The following RHOT1 variants were observed in gnomAD, a reference collection of about 807,000 sequenced individuals.
RHOT1 encodes the protein mitochondrial Rho GTPase 1.
A neutral mutation model predicts 95.3 loss-of-function variants in RHOT1; 27 were observed. The ratio of observed to expected loss-of-function variants is 0.28; its 90% confidence interval spans 0.21 to 0.39. The LOEUF is 0.39. Ranked by LOEUF, RHOT1 falls within the 10% of genes least tolerant of loss-of-function variation. RHOT1 has a pLI of 1.00. For synonymous variants in RHOT1, 227 were observed against 263.5 expected (o/e 0.86, Z 1.34); for missense variants, 578 against 786.7 (o/e 0.73, Z 3.17).
At chr17:32,163,591 G>C (rs1357140064) in intron 1 of RHOT1, among the ~76,000 whole-genome samples, 1 of 151,854 alleles carries the variant, frequency 6.6e-6, no homozygotes, top group Non-Finnish European at 1.5e-5. Flanking sequence ...ATTAGCCAGC[G>C]TGATGGTGCG....
chr17:32,153,026 TC>T (rs1332942131), intron 1 of RHOT1, among the ~76,000 whole-genome samples: 1 of 152,202 alleles, frequency 6.6e-6, no homozygotes, highest in Non-Finnish European at 1.5e-5. Context: ...GGTCTAGAAC[TC>T]CTGGGCTCAA....
chr17:32,178,245 G>A (rs896827090), intron 6 of RHOT1, among the ~76,000 whole-genome samples: 31 of 145,050 alleles, frequency 2.1e-4, no homozygotes, highest in African/African-American at 7.6e-4. Flanking sequence ...AGTCTGGACT[G>A]TACTGCCGTG....
At chr17:32,194,373 G>A (rs1394353781) in intron 11 of RHOT1, among the ~76,000 whole-genome samples, 3 of 152,208 alleles carry the variant, frequency 2.0e-5, no homozygotes, top group South Asian at 4.1e-4. Context: ...TAGAATTATA[G>A]CAGAGCTTTA....
At chr17:32,183,005 T>C in intron 7 of RHOT1, 140 bp downstream of exon 7, 1 of 745,464 alleles carries the variant, frequency 1.3e-6, no homozygotes, top group East Asian at 2.7e-5. Flanking sequence ...AACAGAGAAG[T>C]TGGAGTTGGC....
At chr17:32,144,765 T>C (rs2031042085) in intron 1 of RHOT1, among the ~76,000 whole-genome samples, 1 of 150,614 alleles carries the variant, frequency 6.6e-6, no homozygotes. Flanking sequence ...GGCAGGAGGA[T>C]TGCTTGAACG....
At chr17:32,154,039 A>G (rs915168788) in intron 1 of RHOT1, among the ~76,000 whole-genome samples, 2 of 151,976 alleles carry the variant, frequency 1.3e-5, no homozygotes, top group African/African-American at 4.8e-5. Flanking sequence ...GTGGTGGCTC[A>G]TACCTTTAGT....
intron 4 of RHOT1, among the ~76,000 whole-genome samples, 155 bp downstream of exon 4, chr17:32,175,517 C>T (rs570099310): frequency 4.6e-5 from 7 of 152,198 alleles, no homozygotes; most frequent in South Asian, 2.1e-4. Flanking sequence ...AGTGCAGTGG[C>T]GCAATTTTGC....
At chr17:32,187,514 A>G (rs537287632) in intron 8 of RHOT1, among the ~76,000 whole-genome samples, 1 of 152,290 alleles carries the variant, frequency 6.6e-6, no homozygotes, top group East Asian at 1.9e-4. Flanking sequence ...AGTATAAGTG[A>G]GTGGTTAGCA....
chr17:32,157,467 G>T (rs765816536), intron 1 of RHOT1, among the ~76,000 whole-genome samples: 1 of 152,174 alleles, frequency 6.6e-6, no homozygotes, highest in South Asian at 2.1e-4. Flanking sequence ...GAGATCACTG[G>T]TGATATGTTG....
intron 13 of RHOT1, among the ~76,000 whole-genome samples, chr17:32,200,714 C>CTAG (rs534650224): frequency 1.9e-3 from 282 of 151,088 alleles, no homozygotes; most frequent in Non-Finnish European, 3.5e-3. Flanking sequence ...TTCAAGGCTA[C>CTAG]AGTGAGCCAT....
At position 32,149,635 on chromosome 17, in the gene RHOT1, ATG is replaced by A. The variant is rs1300585666; in HGVS notation, c.37+6932_37+6933del. Among the ~76,000 whole-genome samples, 434 of 59,028 alleles carry A rather than the reference ATG, an allele frequency of 7.4e-3. 5 individuals carry two copies. The highest frequency in any genetic ancestry group is 0.02 in the Admixed American group (92 of 4,528). 38.7% of individuals were successfully genotyped at this position (59,028 alleles called of 152,430 possible). Reference sequence around the variant, plus strand: ...TATATATATATATATATATATATATATGTGTGTGTGTGTGTGTGTGTGTGTGT... The same window carrying A: ...TATATATATATATATATATATATATATGTGTGTGTGTGTGTGTGTGTGTGT... On this transcript the variant is annotated intron_variant, in intron 1 of 19. Coordinates refer to ENST00000545287, the MANE Select transcript of RHOT1 (RefSeq NM_001033566.3).
intron 1 of RHOT1, among the ~76,000 whole-genome samples, chr17:32,170,141 G>A (rs771069821): frequency 3.9e-5 from 6 of 152,142 alleles, no homozygotes; most frequent in African/African-American, 1.4e-4. Context: ...ATGGCTGGGC[G>A]CGGTAGCTCA....
intron 6 of RHOT1, among the ~76,000 whole-genome samples, chr17:32,176,913 T>G (rs1016370486): frequency 1.5e-4 from 23 of 152,214 alleles, no homozygotes; most frequent in Admixed American, 1.2e-3. Context: ...ATCTATATAT[T>G]GTACACATTT....
At chr17:32,199,347 T>G (rs1314028365) in intron 12 of RHOT1, 58 bp from the exon 13 acceptor site, 3 of 1,511,540 alleles carry the variant, frequency 2.0e-6, no homozygotes, top group Non-Finnish European at 2.7e-6. Context: ...GGGGGGCTTT[T>G]GAGTTGGGAA....
intron 1 of RHOT1, among the ~76,000 whole-genome samples, chr17:32,146,197 A>T (rs2031301751): frequency 6.6e-6 from 1 of 152,104 alleles, no homozygotes; most frequent in East Asian, 1.9e-4. Flanking sequence ...ATAACCATGT[A>T]TATTTGTACA....
chr17:32,211,309 A>C (rs1007150034), intron 19 of RHOT1, 71 bp downstream of exon 19: 1 of 1,406,790 alleles, frequency 7.1e-7, no homozygotes, highest in African/African-American at 1.4e-5. Context: ...ATAACTATTT[A>C]TTATACAGAT....
Position 32,151,056 on chromosome 17 carries a change from A to G in RHOT1, c.37+8327A>G. 3.0e-6 allele frequency: 4 copies of G among 1,351,216 alleles called. No individual in the cohort carries two copies. The South Asian group carries it at 3.8e-5, about 13-fold the overall frequency. The allele number at this position is 1,351,216 out of a possible 1,614,324, so 83.7% of individuals were successfully genotyped here. On this transcript the variant is annotated intron_variant, in intron 1 of 19. Transcript: ENST00000545287. Reference sequence around the variant, plus strand: ...AGGGGAGATTGTGGTCTGTTCTTGGAGAAGGCATTCCAGGCTTCTCCTGAG... The same window carrying G: ...AGGGGAGATTGTGGTCTGTTCTTGGGGAAGGCATTCCAGGCTTCTCCTGAG...
At chr17:32,166,907 A>C (rs976315150) in intron 1 of RHOT1, among the ~76,000 whole-genome samples, 4 of 152,140 alleles carry the variant, frequency 2.6e-5, no homozygotes, top group African/African-American at 4.8e-5. Context: ...GTGAATCACA[A>C]ATGTTCTTGA....
chr17:32,207,143 AATAC>A (rs2037817444), intron 17 of RHOT1, 114 bp downstream of exon 17: 2 of 976,446 alleles, frequency 2.0e-6, no homozygotes, highest in Non-Finnish European at 3.0e-6. Flanking sequence ...GTATTTTAAA[AATAC>A]ATACATCTTT....
Sources: gnomAD v4.1 joint callset for allele counts (sites outside exome capture counted in the v4.1 genomes callset) on GRCh38, gnomAD v4.1.1 for gene constraint, MANE v1.5 for transcripts, NCBI Gene and HGNC (gene_info 2026-07-23, HGNC 2026-07-21) for gene names.